Variants in SGK3 observed in about 807,000 individuals in gnomAD.
The protein encoded by SGK3 is serum/glucocorticoid regulated kinase family member 3.
Under a neutral mutation model 68.5 loss-of-function variants are expected in SGK3, and 47 were observed. The ratio of observed to expected loss-of-function variants is 0.69; its 90% CI spans 0.54 to 0.87. SGK3 has a LOEUF of 0.87. Among genes scored for constraint, SGK3 ranks in the 40% least tolerant of loss-of-function variants. The pLI is 0.00. For synonymous variants in SGK3, 181 were observed against 189.1 expected (o/e 0.96, Z 0.35); for missense variants, 479 against 575.5 (o/e 0.83, Z 1.72).
At chr8:66,761,127 A>G (rs1806152904) in intron 1 of SGK3, among the ~76,000 whole-genome samples, 1 of 152,070 alleles carries the variant, frequency 6.6e-6, no homozygotes. Flanking sequence ...ATTTTTAGAG[A>G]CAGGGTCTTA....
chr8:66,820,372 A>G (rs1437949559), intron 5 of SGK3, among the ~76,000 whole-genome samples: 3 of 152,070 alleles, frequency 2.0e-5, no homozygotes, highest in South Asian at 2.1e-4. Flanking sequence ...ACGTTATAGC[A>G]TGTGTTAGTG....
chr8:66,816,337 CTTT>C (rs1177867449), intron 5 of SGK3, among the ~76,000 whole-genome samples: 2 of 114,110 alleles, frequency 1.8e-5, no homozygotes, highest in African/African-American at 3.5e-5. Context: ...GTGACATTTC[CTTT>C]TTTTTTTTTT....
intron 1 of SGK3, chr8:66,775,305 G>A (rs1487042609): frequency 1.3e-5 from 2 of 152,380 alleles, no homozygotes; most frequent in African/African-American, 4.8e-5. Flanking sequence ...ATGCGCCGGG[G>A]GTGGGTGCCC....
chr8:66,715,448 G>C (rs1027441481), intron 1 of SGK3, among the ~76,000 whole-genome samples: 1 of 152,058 alleles, frequency 6.6e-6, no homozygotes, highest in Non-Finnish European at 1.5e-5. Flanking sequence ...AGTAGAGACA[G>C]GGTTTCACCA....
chr8:66,828,685 G>A lies in SGK3; in HGVS notation c.449G>A (p.Gly150Glu). ...TCTACCTCACAGAACATCAACCTGGGACCGTCTGGAAATCCTCAGTATGTT... is the reference window on the plus strand; with the variant it reads ...TCTACCTCACAGAACATCAACCTGGAACCGTCTGGAAATCCTCAGTATGTT... ...LHSTSQNINLGPSGNPHAKPT... is the reference protein window; with the variant it reads ...LHSTSQNINLEPSGNPHAKPT... The change falls in exon 7 of 17, where the codon GGA becomes GAA. Residue 150 changes from glycine to glutamate, a missense_variant. Gly to Glu is a moderately conservative substitution (Grantham distance 98). Transcript: ENST00000521198. 1 of 1,613,840 alleles carries A rather than the reference G, an allele frequency of 6.2e-7. No homozygotes were observed. The highest frequency in any genetic ancestry group is 8.5e-7 in the Non-Finnish European group (1 of 1,179,998).
chr8:66,800,375 A>AT (rs1807887362), intron 3 of SGK3, among the ~76,000 whole-genome samples: 5 of 110,132 alleles, frequency 4.5e-5, no homozygotes, highest in Middle Eastern at 5.2e-3. Context: ...GAGTTTTTTC[A>AT]TTTCTTTTTT....
At position 66,848,699 on chromosome 8, in the gene SGK3, G is replaced by A. The variant is rs150083028; in HGVS notation, c.1230+1351G>A. Among the ~76,000 whole-genome samples, 69 of 151,824 alleles carry A rather than the reference G, an allele frequency of 4.5e-4. No individual in the cohort carries two copies. The East Asian group carries it at 0.013, about 28-fold the overall frequency. ...CAAATAACTGCTCCCCTTTTTTTCTGGTTCCTTCCAGTCAGTAATTAAATG... is the reference window on the plus strand; with the variant it reads ...CAAATAACTGCTCCCCTTTTTTTCTAGTTCCTTCCAGTCAGTAATTAAATG... On this transcript the variant is annotated intron_variant, in intron 15 of 16. Coordinates refer to ENST00000521198, the MANE Select transcript of SGK3 (RefSeq NM_001033578.3).
Position 66,811,688 on chromosome 8 carries a change from C to A in SGK3, c.254-2165C>A, listed in dbSNP as rs1163318996. Among the ~76,000 whole-genome samples, 4 of 152,244 alleles carry A rather than the reference C, an allele frequency of 2.6e-5. No homozygotes were observed. The East Asian group carries it at 7.7e-4, about 29-fold the overall frequency. ...CTCACTGAAGAAAGGAAATTCCTCT[C>A]TTCACACTGGCCTTCAAAAGTAAAA... On this transcript the variant is annotated intron_variant, in intron 4 of 16. Transcript: ENST00000521198.
chr8:66,768,366 G>A (rs1310485062), intron 1 of SGK3, among the ~76,000 whole-genome samples: 1 of 150,196 alleles, frequency 6.7e-6, no homozygotes. Flanking sequence ...ATGTCTGAAG[G>A]GCTTCCTTGA....
intron 10 of SGK3, among the ~76,000 whole-genome samples, chr8:66,838,401 G>A (rs190557503): frequency 1.3e-5 from 2 of 152,192 alleles, no homozygotes; most frequent in African/African-American, 2.4e-5. Flanking sequence ...ATTGAGGTTC[G>A]GAGAGGTTAA....
At chr8:66,818,727 G>T (rs187865371) in intron 5 of SGK3, among the ~76,000 whole-genome samples, 1 of 152,322 alleles carries the variant, frequency 6.6e-6, no homozygotes, top group Non-Finnish European at 1.5e-5. Context: ...CATCCATGTT[G>T]TCTCATTAAC....
chr8:66,742,343 T>C (rs1337726170), intron 1 of SGK3, among the ~76,000 whole-genome samples: 2 of 152,174 alleles, frequency 1.3e-5, no homozygotes, highest in African/African-American at 4.8e-5. Flanking sequence ...TCTAGTCACA[T>C]GTTATATATT....
intron 1 of SGK3, among the ~76,000 whole-genome samples, chr8:66,736,262 T>A (rs1022064554): frequency 3.6e-4 from 55 of 152,150 alleles, no homozygotes; most frequent in Non-Finnish European, 1.3e-4. Context: ...AAAATATTTT[T>A]AAAAATTAAT....
chr8:66,715,280 C>T (rs1804600019), intron 1 of SGK3, among the ~76,000 whole-genome samples: 1 of 150,230 alleles, frequency 6.7e-6, no homozygotes, highest in African/African-American at 2.5e-5. Context: ...TTTTTTGAGA[C>T]AGAGTCTTGC....
chr8:66,746,860 TA>T (rs947353670), intron 1 of SGK3, among the ~76,000 whole-genome samples: 1 of 152,038 alleles, frequency 6.6e-6, no homozygotes, highest in Non-Finnish European at 1.5e-5. Flanking sequence ...CATGTGGGCC[TA>T]AAAAATATAT....
intron 6 of SGK3, among the ~76,000 whole-genome samples, chr8:66,824,186 T>C (rs914536536): frequency 1.3e-5 from 2 of 152,048 alleles, no homozygotes; most frequent in African/African-American, 4.8e-5. Context: ...CCTAGGACAA[T>C]GTAAAAAGCT....
intron 1 of SGK3, among the ~76,000 whole-genome samples, chr8:66,763,864 T>C (rs1016683637): frequency 6.6e-6 from 1 of 152,072 alleles, no homozygotes; most frequent in Admixed American, 6.5e-5. Context: ...TTTTAAAAAG[T>C]TATTATTACT....
chr8:66,830,723 T>G (rs1159690732), intron 7 of SGK3, among the ~76,000 whole-genome samples: 2 of 152,238 alleles, frequency 1.3e-5, no homozygotes, highest in Admixed American at 6.5e-5. Flanking sequence ...ATCTTTAATG[T>G]ACAATAAGTG....
intron 15 of SGK3, among the ~76,000 whole-genome samples, chr8:66,847,566 C>G (rs1810083959): frequency 1.3e-5 from 2 of 152,188 alleles, no homozygotes; most frequent in South Asian, 4.1e-4. Flanking sequence ...GCCCTATCCA[C>G]CACATACACT....
Sources: gnomAD v4.1 joint callset for allele counts (sites outside exome capture counted in the v4.1 genomes callset) on GRCh38, gnomAD v4.1.1 for gene constraint, MANE v1.5 for transcripts, NCBI Gene and HGNC (gene_info 2026-07-23, HGNC 2026-07-21) for gene names.